The following CACNA1A variants were observed in gnomAD, a reference collection of about 807,000 sequenced individuals.
CACNA1A encodes the protein calcium voltage-gated channel subunit alpha1 A.
In CACNA1A, 57 loss-of-function variants were observed where a neutral mutation model predicts 262.4. That is an observed-to-expected ratio of 0.22 (90% CI 0.18 to 0.27). The LOEUF is 0.27. Among genes scored for constraint, CACNA1A ranks in the 10% least tolerant of loss-of-function variants. The probability of loss-of-function intolerance (pLI) is 1.00; values close to 1 mark genes in which losing one functional copy is unlikely to be tolerated. For missense variants in CACNA1A, 2,526 were observed against 3,562.8 expected (o/e 0.71, Z 7.41); for synonymous variants, 1,431 against 1,419.3 (o/e 1.01, Z -0.18).
At chr19:13,223,141 C>T (rs1404012530) in intron 38 of CACNA1A, among the ~76,000 whole-genome samples, 2 of 152,162 alleles carry the variant, frequency 1.3e-5, no homozygotes, top group African/African-American at 2.4e-5. Flanking sequence ...ACTCTCATCT[C>T]TGCCTCCTGA....
chr19:13,448,784 T>C lies in CACNA1A; in HGVS notation c.539+4092A>G, dbSNP rs561488890. Among the ~76,000 whole-genome samples, 26 of 152,094 alleles carry C rather than the reference T, an allele frequency of 1.7e-4. No individual in the cohort carries two copies. In the East Asian group the frequency reaches 5.0e-3, roughly 29 times the overall value. The stretch of plus-strand genomic sequence containing the variant: ...GCTGGAAACAATCCAAATAGATAAA[T>C]ACACGGCAGCATACTCCTACCACAG... On this transcript the variant is annotated intron_variant, in intron 3 of 46. Coordinates refer to ENST00000360228, the MANE Select transcript of CACNA1A (RefSeq NM_001127222.2).
intron 6 of CACNA1A, among the ~76,000 whole-genome samples, chr19:13,357,878 G>A (rs895104062): frequency 1.3e-5 from 2 of 151,962 alleles, no homozygotes; most frequent in South Asian, 2.1e-4. Flanking sequence ...ATGGTGGTGT[G>A]TGCCTGTGGT....
At chr19:13,474,565 T>C (rs940678240) in intron 1 of CACNA1A, among the ~76,000 whole-genome samples, 2 of 152,190 alleles carry the variant, frequency 1.3e-5, no homozygotes, top group Non-Finnish European at 2.9e-5. Flanking sequence ...ACGCCTGTAA[T>C]CCCAGCACTT....
intron 3 of CACNA1A, among the ~76,000 whole-genome samples, chr19:13,394,920 C>G (rs1236761975): frequency 6.6e-6 from 1 of 151,980 alleles, no homozygotes; most frequent in Non-Finnish European, 1.5e-5. Flanking sequence ...GCCCTAACAC[C>G]TAAAAATGTT....
chr19:13,329,926 G>A (rs1412534329), intron 10 of CACNA1A, among the ~76,000 whole-genome samples: 1 of 152,024 alleles, frequency 6.6e-6, no homozygotes, highest in Non-Finnish European at 1.5e-5. Context: ...CCTAATATAA[G>A]CAGGTCCCCC....
In CACNA1A at chr19:13,399,394, G is replaced by GAGAAGAAGA. The variant is rs74375569; in HGVS notation, c.540-27624_540-27616dup. 7.4e-3 allele frequency among the ~76,000 whole-genome samples: 1,067 copies of GAGAAGAAGA among 143,544 alleles called. 18 individuals are homozygous for GAGAAGAAGA. Among genetic ancestry groups the GAGAAGAAGA allele is most frequent in the African/African-American group, 0.026 (1,012 of 38,438 alleles). 94.2% of individuals were successfully genotyped at this position (143,544 alleles called of 152,430 possible). A position where few individuals can be genotyped will look rare whatever the true frequency, so the allele number is the denominator to read the frequency against. On this transcript the variant is annotated intron_variant, in intron 3 of 46. Coordinates refer to ENST00000360228, the MANE Select transcript of CACNA1A (RefSeq NM_001127222.2). Reference sequence around the variant, plus strand: ...TCAGCAGAAGTCCAGATCCAAAAATGAGAAGAAGAAGAAGAAGAAGAAGAA... The same window carrying GAGAAGAAGA: ...TCAGCAGAAGTCCAGATCCAAAAATGAGAAGAAGAAGAAGAAGAAGAAGAAGAAGAAGAA...
rs113892561 is a variant in CACNA1A at position 13,504,965 on chromosome 19, TA to T, written c.293+966del. 3.9e-3 allele frequency among the ~76,000 whole-genome samples: 564 copies of T among 146,234 alleles called. 3 individuals carry two copies. Among genetic ancestry groups the T allele is most frequent in the Admixed American group, 7.1e-3 (105 of 14,686 alleles). On this transcript the variant is annotated intron_variant, in intron 1 of 46. Coordinates refer to ENST00000360228, the MANE Select transcript of CACNA1A (RefSeq NM_001127222.2). The stretch of plus-strand genomic sequence containing the variant: ...CACCTTTTTCCTCTGGATCTTTGAT[TA>T]AAAAAAAAAAAATTTAAAAGGCATT...
At chr19:13,444,794 T>C (rs2060780294) in intron 3 of CACNA1A, among the ~76,000 whole-genome samples, 1 of 152,096 alleles carries the variant, frequency 6.6e-6, no homozygotes, top group East Asian at 1.9e-4. Flanking sequence ...ACCACTTGTT[T>C]GTGAGTAAAA....
At chr19:13,432,091 G>T (rs2060516236) in intron 3 of CACNA1A, among the ~76,000 whole-genome samples, 1 of 127,542 alleles carries the variant, frequency 7.8e-6, no homozygotes, top group African/African-American at 3.2e-5. Flanking sequence ...GCAAGAGAGT[G>T]AGACTCCGTC....
intron 20 of CACNA1A, 23 bp downstream of exon 20, chr19:13,286,480 G>T: frequency 8.4e-7 from 1 of 1,192,158 alleles, no homozygotes. Flanking sequence ...CCTGCCCAGT[G>T]ATGTGAGAGC....
chr19:13,221,749 T>G (rs1163986809), intron 38 of CACNA1A, among the ~76,000 whole-genome samples: 1 of 152,120 alleles, frequency 6.6e-6, no homozygotes, highest in Non-Finnish European at 1.5e-5. Flanking sequence ...GTTGGTCCCC[T>G]TCCTCCTGAA....
intron 6 of CACNA1A, among the ~76,000 whole-genome samples, chr19:13,336,973 G>A (rs1211139359): frequency 2.0e-5 from 3 of 152,218 alleles, no homozygotes; most frequent in African/African-American, 7.2e-5. Flanking sequence ...GCAGAATGCA[G>A]GGCTCTCAAG....
chr19:13,380,645 C>CAA lies in CACNA1A; in HGVS notation c.540-8868_540-8867dup, dbSNP rs370031243. Among the ~76,000 whole-genome samples the CAA allele has an allele frequency of 1.6e-3, 87 of 55,222 alleles. 8 individuals are homozygous for CAA. The highest frequency in any genetic ancestry group is 1.9e-3 in the Non-Finnish European group (61 of 32,488). The allele number at this position is 55,222 out of a possible 152,430, so 36.2% of individuals were successfully genotyped here. A position where few individuals can be genotyped will look rare whatever the true frequency, so the allele number is the denominator to read the frequency against. Reference sequence around the variant, plus strand: ...TGGGTGACAGAGCGTGACTCTGTCTCAAAAAAAAAAAAAAAAAAAAAAAAA... The same window carrying CAA: ...TGGGTGACAGAGCGTGACTCTGTCTCAAAAAAAAAAAAAAAAAAAAAAAAAAA... On this transcript the variant is annotated intron_variant, in intron 3 of 46. Coordinates refer to ENST00000360228, the MANE Select transcript of CACNA1A (RefSeq NM_001127222.2).
At position 13,228,591 on chromosome 19, in the gene CACNA1A, T is replaced by TAG. The variant is rs34941295; in HGVS notation, c.5529-1066_5529-1065dup. 1.6e-3 allele frequency: 346 copies of TAG among 216,928 alleles called. 3 individuals carry two copies. The highest frequency in any genetic ancestry group is 1.1e-3 in the South Asian group (6 of 5,238). 13.4% of individuals were successfully genotyped at this position (216,928 alleles called of 1,614,324 possible). A position where few individuals can be genotyped will look rare whatever the true frequency, so the allele number is the denominator to read the frequency against. The stretch of plus-strand genomic sequence containing the variant: ...AGAAAGAGAGATGGCTCTGTTTTTT[T>TAG]AGAGAGAGAGAGAGATATATATATA... On this transcript the variant is annotated intron_variant, in intron 36 of 46. Transcript: ENST00000360228.
intron 15 of CACNA1A, among the ~76,000 whole-genome samples, chr19:13,304,296 G>C (rs1377845990): frequency 2.6e-5 from 4 of 151,996 alleles, no homozygotes; most frequent in Non-Finnish European, 4.4e-5. Context: ...GGTTAGATGA[G>C]GTCATGGGGG....
In CACNA1A at chr19:13,413,895, A is replaced by AAGAAAAAGAAAGAAAGAAAG. The variant is rs1183097814; in HGVS notation, c.539+38980_539+38981insCTTTCTTTCTTTCTTTTTCT. On this transcript the variant is annotated intron_variant, in intron 3 of 46. Coordinates refer to ENST00000360228, the MANE Select transcript of CACNA1A (RefSeq NM_001127222.2). ...GACTCTGTCAAGAAAGAAAGAAAGA[A>AAGAAAAAGAAAGAAAGAAAG]AAAGAAAGAAAGAAAGAAAGAAAGA... Among the ~76,000 whole-genome samples, 249 of 119,188 alleles carry AAGAAAAAGAAAGAAAGAAAG rather than the reference A, an allele frequency of 2.1e-3. 3 individuals carry two copies. The highest frequency in any genetic ancestry group is 9.6e-3 in the African/African-American group (237 of 24,614). The allele number at this position is 119,188 out of a possible 152,430, so 78.2% of individuals were successfully genotyped here.
chr19:13,415,743 T>TAAAAAAAAAAAAAA lies in CACNA1A; in HGVS notation c.539+37119_539+37132dup, dbSNP rs71170510. Reference sequence around the variant, plus strand: ...CAACAGAGCGAGACTCTGTCTCAATTAAAAAAAAAAAAAAAAAAAAAAAAA... The same window carrying TAAAAAAAAAAAAAA: ...CAACAGAGCGAGACTCTGTCTCAATTAAAAAAAAAAAAAAAAAAAAAAAAAAAAAAAAAAAAAAA... On this transcript the variant is annotated intron_variant, in intron 3 of 46. Transcript: ENST00000360228. Among the ~76,000 whole-genome samples, 92 of 42,512 alleles carry TAAAAAAAAAAAAAA rather than the reference T, an allele frequency of 2.2e-3. 8 individuals are homozygous for TAAAAAAAAAAAAAA. Among genetic ancestry groups the TAAAAAAAAAAAAAA allele is most frequent in the African/African-American group, 4.0e-3 (49 of 12,156 alleles). 27.9% of individuals were successfully genotyped at this position (42,512 alleles called of 152,430 possible).
At chr19:13,219,371 C>T (rs2055137588) in intron 38 of CACNA1A, among the ~76,000 whole-genome samples, 1 of 152,162 alleles carries the variant, frequency 6.6e-6, no homozygotes, top group Non-Finnish European at 1.5e-5. Context: ...TATTCTTTCA[C>T]TGTAATAAAC....
intron 36 of CACNA1A, among the ~76,000 whole-genome samples, chr19:13,229,363 CAGTT>C (rs763895558): frequency 1.3e-5 from 2 of 152,296 alleles, no homozygotes; most frequent in Non-Finnish European, 1.5e-5. Context: ...ACTAAATCCT[CAGTT>C]AGTGGCTGGT....
Sources: gnomAD v4.1 joint callset for allele counts (sites outside exome capture counted in the v4.1 genomes callset) on GRCh38, gnomAD v4.1.1 for gene constraint, MANE v1.5 for transcripts, NCBI Gene and HGNC (gene_info 2026-07-23, HGNC 2026-07-21) for gene names.